The following TENM2 variants were observed in gnomAD, a reference collection of about 807,000 sequenced individuals.
TENM2 encodes teneurin transmembrane protein 2, also known as teneurin-2.
In TENM2, 52 loss-of-function variants were observed where a neutral mutation model predicts 245.2. That is an observed-to-expected ratio of 0.21 (90% CI 0.17 to 0.27). The LOEUF (loss-of-function observed/expected upper bound fraction) is 0.27, where lower values mean the gene tolerates loss of function less well. Among genes scored for constraint, TENM2 ranks in the 10% least tolerant of loss-of-function variants. The probability of loss-of-function intolerance (pLI) is 1.00; values close to 1 mark genes in which losing one functional copy is unlikely to be tolerated. For missense variants in TENM2, 3,046 were observed against 3,666.8 expected (o/e 0.83, Z 4.37); for synonymous variants, 1,363 against 1,438.9 (o/e 0.95, Z 1.19).
intron 1 of TENM2, among the ~76,000 whole-genome samples, chr5:167,342,859 ATT>A (rs34528128): frequency 2.0e-3 from 286 of 142,274 alleles, no homozygotes; most frequent in Middle Eastern, 3.7e-3. Context: ...TCCATGATGC[ATT>A]TTTTTTTTTT....
chr5:168,238,294 G>GAAAAGAAAAGAA (rs1581730808), intron 25 of TENM2, among the ~76,000 whole-genome samples: 2 of 144,176 alleles, frequency 1.4e-5, no homozygotes, highest in East Asian at 2.0e-4. Flanking sequence ...GAAAAGAAAA[G>GAAAAGAAAAGAA]AAAAGAAAAA....
At chr5:168,160,289 G>A (rs1271368819) in intron 12 of TENM2, among the ~76,000 whole-genome samples, 1 of 152,146 alleles carries the variant, frequency 6.6e-6, no homozygotes, top group Non-Finnish European at 1.5e-5. Flanking sequence ...AACTGGGGAC[G>A]GCTTTCCCTC....
exon 27 of TENM2, chr5:168,246,951 C>G: frequency 6.2e-7 from 1 of 1,613,996 alleles, no homozygotes; most frequent in Non-Finnish European, 8.5e-7. Context: ...GTGATGACGG[C>G]CGCATCCTGA....
intron 2 of TENM2, among the ~76,000 whole-genome samples, chr5:167,471,281 G>C (rs909966304): frequency 3.3e-5 from 5 of 152,100 alleles, no homozygotes; most frequent in Admixed American, 6.5e-5. Context: ...CAATCATTTT[G>C]TTTCCCTTTG....
chr5:167,431,914 GATATATATAT>G (rs140335875), intron 2 of TENM2, among the ~76,000 whole-genome samples: 1 of 100,110 alleles, frequency 1.0e-5, no homozygotes, highest in African/African-American at 5.0e-5. Flanking sequence ...TCCAAGGTGT[GATATATATAT>G]ATACATATAT....
chr5:167,808,656 C>A (rs1431576509), intron 2 of TENM2, among the ~76,000 whole-genome samples: 1 of 152,102 alleles, frequency 6.6e-6, no homozygotes, highest in African/African-American at 2.4e-5. Context: ...GAGATAGAAA[C>A]CCCTTGTCTT....
chr5:167,994,855 G>A lies in TENM2; in HGVS notation c.1186+1673G>A, dbSNP rs374666049. ...ATGGATTGACCTCAGAAAGGCGGAA[G>A]GATATCTGTTGCCCCTCTGAATCTC... is the stretch of plus-strand genomic sequence containing the variant. On this transcript the variant is annotated intron_variant, in intron 5 of 28. Transcript: ENST00000518659. Among the ~76,000 whole-genome samples, 228 of 152,298 alleles carry A rather than the reference G, an allele frequency of 1.5e-3. 1 individual carries two copies. The highest frequency in any genetic ancestry group is 5.1e-3 in the African/African-American group (214 of 41,566).
the TENM2 span, among the ~76,000 whole-genome samples, chr5:167,130,450 T>C: frequency 2.0e-5 from 3 of 152,212 alleles, no homozygotes; most frequent in South Asian, 4.1e-4. Context: ...GGTACTCTTA[T>C]GATTCTTACA....
chr5:167,952,323 G>C, intron 3 of TENM2: 1 of 569,500 alleles, frequency 1.8e-6, no homozygotes, highest in Non-Finnish European at 3.1e-6. Context: ...TAATTCCTCT[G>C]GTCAGCCCTT....
At chr5:167,462,886 T>C (rs1766408911) in intron 2 of TENM2, among the ~76,000 whole-genome samples, 1 of 152,040 alleles carries the variant, frequency 6.6e-6, no homozygotes, top group South Asian at 2.1e-4. Flanking sequence ...AGAACCGCCT[T>C]CTTCTACCAA....
At chr5:167,453,404 A>T (rs558387613) in intron 2 of TENM2, among the ~76,000 whole-genome samples, 52 of 152,238 alleles carry the variant, frequency 3.4e-4, no homozygotes, top group Middle Eastern at 3.4e-3. Flanking sequence ...CTATTGTTTG[A>T]GTAAAAAAGA....
At chr5:167,139,908 T>C in the TENM2 span, among the ~76,000 whole-genome samples, 1 of 152,166 alleles carries the variant, frequency 6.6e-6, no homozygotes, top group Non-Finnish European at 1.5e-5. Context: ...CTATTATTGG[T>C]TGGGGAGAAA....
intron 2 of TENM2, among the ~76,000 whole-genome samples, chr5:167,750,449 C>T (rs1253841865): frequency 2.6e-5 from 4 of 152,150 alleles, no homozygotes; most frequent in Non-Finnish European, 2.9e-5. Flanking sequence ...TTTTGACCTG[C>T]GCATTTTCTG....
At chr5:167,565,730 A>C (rs369499823) in intron 2 of TENM2, among the ~76,000 whole-genome samples, 2 of 152,198 alleles carry the variant, frequency 1.3e-5, no homozygotes, top group Non-Finnish European at 2.9e-5. Flanking sequence ...AGCTAATGCT[A>C]TGTGCTGAGA....
At chr5:167,640,852 T>G (rs1779517137) in intron 2 of TENM2, among the ~76,000 whole-genome samples, 1 of 76,868 alleles carries the variant, frequency 1.3e-5, no homozygotes, top group Non-Finnish European at 2.5e-5. Flanking sequence ...CATATATATA[T>G]ATATATCCAT....
intron 3 of TENM2, among the ~76,000 whole-genome samples, chr5:167,930,131 A>G (rs1778164057): frequency 6.6e-6 from 1 of 152,248 alleles, no homozygotes; most frequent in East Asian, 1.9e-4. Flanking sequence ...ACTTTCTTCC[A>G]GAGCAGACCA....
the TENM2 span, among the ~76,000 whole-genome samples, chr5:166,998,939 G>T: frequency 2.6e-5 from 4 of 151,734 alleles, no homozygotes; most frequent in Non-Finnish European, 4.4e-5. Flanking sequence ...AAGAAAAAAG[G>T]ATTGGCCATG....
In TENM2 at chr5:168,262,079, A is replaced by G. The variant is rs560430523; in HGVS notation, c.7594A>G (p.Arg2532Gly). The stretch of plus-strand genomic sequence containing the variant: ...TACAGGTGTCCAACAGACAACAGAG[A>G]GACATAACCAGGCCTTCATGGCTCT... The change falls in exon 29 of 29, where the codon AGA becomes GGA. Residue 2532 changes from arginine (R) to glycine (G), a missense_variant. Physicochemically the swap from Arg to Gly is moderately radical, Grantham distance 125. Around this residue, in one of 2 missense-constraint regions of TENM2, gnomAD observed 2,704 missense variants for 3,331.9 expected, o/e 0.81. Transcript: ENST00000518659. 4.2e-5 allele frequency: 68 copies of G among 1,614,004 alleles called. 1 individual carries two copies. In the East Asian group the frequency reaches 6.9e-4, roughly 16 times the overall value.
intron 2 of TENM2, among the ~76,000 whole-genome samples, chr5:167,383,746 A>AC (rs1466744941): frequency 2.0e-5 from 3 of 151,956 alleles, no homozygotes; most frequent in Non-Finnish European, 4.4e-5. Context: ...AAAAAAAAAA[A>AC]AAAACTTCCG....
Sources: allele counts gnomAD v4.1 joint callset (sites outside exome capture counted in the v4.1 genomes callset), GRCh38; gene constraint gnomAD v4.1.1; regional missense constraint gnomAD v4.1.1; transcripts MANE v1.5; gene names NCBI Gene and HGNC (gene_info 2026-07-23, HGNC 2026-07-21).